The following DNAAF5 variants were observed in gnomAD, a reference collection of about 807,000 sequenced individuals.
DNAAF5 encodes dynein axonemal assembly factor 5, also known as HEAT repeat containing 2.
In DNAAF5, 64 loss-of-function variants were observed where a neutral mutation model predicts 75.8. The observed-to-expected ratio is 0.84, with a 90% CI of 0.69 to 1.04. DNAAF5 has a LOEUF of 1.04. Ranked by LOEUF, DNAAF5 falls within the 50% of genes least tolerant of loss-of-function variation. The probability of loss-of-function intolerance (pLI) is 0.00; values close to 1 mark genes in which losing one functional copy is unlikely to be tolerated. For synonymous variants in DNAAF5, 657 were observed against 557.2 expected (o/e 1.18, Z -2.52); for missense variants, 1,269 against 1,178.5 (o/e 1.08, Z -1.12).
intron 4 of DNAAF5, among the ~76,000 whole-genome samples, chr7:748,700 G>A (rs140447865): frequency 1.3e-3 from 194 of 152,046 alleles, no homozygotes; most frequent in Admixed American, 5.1e-3. Context: ...CTCACCGCTC[G>A]CTCCAGGGGC....
Position 779,980 on chromosome 7 carries a change from C to T in DNAAF5, c.2267C>T (p.Ser756Phe). The T allele has an allele frequency of 5.6e-6, 9 of 1,614,180 alleles. No individual in the cohort carries two copies. Among genetic ancestry groups the T allele is most frequent in the Non-Finnish European group, 7.6e-6 (9 of 1,180,018 alleles). ...PELLKRLDDV[S>F]NDVRMAAAST... Reference sequence around the variant, plus strand: ...CTCTTAAAACGCCTAGATGACGTGTCCAACGATGTGAGGATGGCAGCCGCC... The same window carrying T: ...CTCTTAAAACGCCTAGATGACGTGTTCAACGATGTGAGGATGGCAGCCGCC... The change falls in exon 12 of 13, where the codon TCC becomes TTC. Residue 756 changes from serine to phenylalanine, a missense_variant. Transcript: ENST00000297440.
At chr7:745,529 ACATG>A (rs1782064584) in intron 4 of DNAAF5, among the ~76,000 whole-genome samples, 1 of 150,672 alleles carries the variant, frequency 6.6e-6, no homozygotes, top group Non-Finnish European at 1.5e-5. Context: ...ACACGTGTGT[ACATG>A]CATATCGTCA....
In DNAAF5 at chr7:782,584, C is replaced by T. The variant is rs200622196; in HGVS notation, c.2431+2440C>T. Among the ~76,000 whole-genome samples, 187 of 134,016 alleles carry T rather than the reference C, an allele frequency of 1.4e-3. 5 individuals carry two copies. Among genetic ancestry groups the T allele is most frequent in the African/African-American group, 4.9e-3 (165 of 33,886 alleles). 87.9% of individuals were successfully genotyped at this position (134,016 alleles called of 152,430 possible). ...GCGGCGTCAGAAACTCGGATCTTCC[C>T]GGCGTGGCCGCGTCCCGTTACGCAG... On this transcript the variant is annotated intron_variant, in intron 12 of 12. Coordinates refer to ENST00000297440, the MANE Select transcript of DNAAF5 (RefSeq NM_017802.4).
chr7:736,616 G>A (rs148825721), intron 2 of DNAAF5, among the ~76,000 whole-genome samples: 1 of 152,064 alleles, frequency 6.6e-6, no homozygotes, highest in East Asian at 1.9e-4. Flanking sequence ...TGTATTTCTT[G>A]TAGGCAACAG....
chr7:741,908 G>A (rs577619176), intron 4 of DNAAF5, among the ~76,000 whole-genome samples: 1 of 152,336 alleles, frequency 6.6e-6, no homozygotes, highest in Admixed American at 6.5e-5. Flanking sequence ...AGGGCCACGG[G>A]TGAGGTGAGG....
chr7:774,384 T>C (rs2128084910), intron 10 of DNAAF5, among the ~76,000 whole-genome samples, 186 bp downstream of exon 10: 1 of 152,084 alleles, frequency 6.6e-6, no homozygotes, highest in South Asian at 2.1e-4. Flanking sequence ...CGGGCTGCGG[T>C]TCAGACAGCA....
At chr7:733,639 G>C (rs538372255) in intron 2 of DNAAF5, among the ~76,000 whole-genome samples, 52 of 152,112 alleles carry the variant, frequency 3.4e-4, no homozygotes, top group Non-Finnish European at 4.3e-4. Context: ...TGGGACTACA[G>C]GTGCCTGCCA....
chr7:766,956 C>T (rs1239394181), intron 8 of DNAAF5, among the ~76,000 whole-genome samples: 3 of 152,118 alleles, frequency 2.0e-5, no homozygotes, highest in African/African-American at 4.8e-5. Flanking sequence ...ACTGTAGGGT[C>T]CCGCTGGGCG....
intron 8 of DNAAF5, among the ~76,000 whole-genome samples, chr7:767,859 A>AC (rs1562394431): frequency 7.5e-6 from 1 of 133,006 alleles, no homozygotes; most frequent in Non-Finnish European, 1.6e-5. Flanking sequence ...GCAGGAGCTC[A>AC]CGCTGGGAGG....
chr7:750,540 C>T (rs1014661974), intron 4 of DNAAF5, among the ~76,000 whole-genome samples: 4 of 152,184 alleles, frequency 2.6e-5, no homozygotes, highest in African/African-American at 7.2e-5. Flanking sequence ...ATAAGGAGCA[C>T]GTAACCCAGG....
At chr7:742,977 T>TA (rs1781962345) in intron 4 of DNAAF5, among the ~76,000 whole-genome samples, 1 of 152,236 alleles carries the variant, frequency 6.6e-6, no homozygotes, top group Non-Finnish European at 1.5e-5. Flanking sequence ...AGTCTCAACT[T>TA]ACTTCCCATG....
At position 775,085 on chromosome 7, in the gene DNAAF5, C is replaced by T; in HGVS notation, c.2162C>T (p.Ser721Leu). The stretch of plus-strand genomic sequence containing the variant: ...GATTCGAAGATGACGCGACTGATCT[C>T]ATGCCGTATTATCAACACGTTCTTA... The part of the protein sequence containing the change: ...EEDSKMTRLI[S>L]CRIINTFLKT... Residue 721 changes from serine (S) to leucine (L), a missense_variant, in exon 11 of 13, where the codon TCA becomes TTA. Transcript: ENST00000297440. 1 of 1,614,078 alleles carries T rather than the reference C, an allele frequency of 6.2e-7. No homozygotes were observed. The highest frequency in any genetic ancestry group is 1.3e-5 in the African/African-American group (1 of 75,024).
chr7:738,465 C>T (rs1781801423), intron 2 of DNAAF5, among the ~76,000 whole-genome samples: 1 of 152,032 alleles, frequency 6.6e-6, no homozygotes, highest in South Asian at 2.1e-4. Flanking sequence ...CTGGATGCTC[C>T]TGATGCTTGT....
chr7:730,613 C>T (rs1271553397), intron 2 of DNAAF5, among the ~76,000 whole-genome samples: 3 of 152,172 alleles, frequency 2.0e-5, no homozygotes, highest in Non-Finnish European at 2.9e-5. Context: ...AGCCCTGACT[C>T]GCTCCCTCGT....
rs897028173 is a variant in DNAAF5 at position 735,250 on chromosome 7, G to C, written c.780+5403G>C. On this transcript the variant is annotated intron_variant, in intron 2 of 12. Transcript: ENST00000297440. ...ATTGTAGTTGCTCATACCGTTGCTC[G>C]TGGTGTTGTTCTTCATGGTGTAGCT... 3.3e-4 allele frequency among the ~76,000 whole-genome samples: 43 copies of C among 129,828 alleles called. 1 individual carries two copies. Among genetic ancestry groups the C allele is most frequent in the Non-Finnish European group, 2.1e-4 (13 of 62,402 alleles). 85.2% of individuals were successfully genotyped at this position (129,828 alleles called of 152,430 possible). A position where few individuals can be genotyped will look rare whatever the true frequency, so the allele number is the denominator to read the frequency against.
chr7:741,107 A>G (rs1781894197), intron 3 of DNAAF5, among the ~76,000 whole-genome samples, 164 bp downstream of exon 3: 3 of 152,178 alleles, frequency 2.0e-5, no homozygotes, highest in South Asian at 2.1e-4. Context: ...TGTAAATGGC[A>G]TTTCCCATCT....
In DNAAF5 at chr7:785,894, A is replaced by T. The variant is rs1365065176; in HGVS notation, c.*241A>T. ...AAACATCTGCAGCTGATTTGAAATT[A>T]AAAGTAAGTCGCAGCCGCTCCTCCC... is the stretch of plus-strand genomic sequence containing the variant. On this transcript the variant is annotated 3_prime_UTR_variant, in exon 13 of 13. Coordinates refer to ENST00000297440, the MANE Select transcript of DNAAF5 (RefSeq NM_017802.4). The T allele has an allele frequency of 2.0e-6, 1 of 491,236 alleles. No individual in the cohort carries two copies. The highest frequency in any genetic ancestry group is 2.0e-5 in the African/African-American group (1 of 50,844). The allele number at this position is 491,236 out of a possible 1,614,324, so 30.4% of individuals were successfully genotyped here.
intron 2 of DNAAF5, among the ~76,000 whole-genome samples, chr7:734,000 G>T (rs1781660815): frequency 6.6e-6 from 1 of 152,112 alleles, no homozygotes; most frequent in African/African-American, 2.4e-5. Context: ...TGTTCTAATA[G>T]GTTTTTTGTG....
chr7:750,030 C>A lies in DNAAF5; in HGVS notation c.1025-4559C>A, dbSNP rs535515893. ...TGCTATAATATTAAGTATAGAAAAA[C>A]AGGCTTCAGAACCATGTTCAGAAGC... On this transcript the variant is annotated intron_variant, in intron 4 of 12. Transcript: ENST00000297440. Among the ~76,000 whole-genome samples the A allele has an allele frequency of 9.8e-5, 15 of 152,300 alleles. No individual in the cohort carries two copies. In the East Asian group the frequency reaches 2.9e-3, roughly 29 times the overall value.
Sources: allele counts gnomAD v4.1 joint callset (sites outside exome capture counted in the v4.1 genomes callset), GRCh38; gene constraint gnomAD v4.1.1; transcripts MANE v1.5; gene names NCBI Gene and HGNC (gene_info 2026-07-23, HGNC 2026-07-21).